UBE2L3: variants seen among roughly 807,000 people sequenced by gnomAD.
The protein encoded by UBE2L3 is ubiquitin-conjugating enzyme E2 L3.
A neutral mutation model predicts 17.8 loss-of-function variants in UBE2L3; 1 was observed. That is an observed-to-expected ratio of 0.06 (90% confidence interval 0.02 to 0.27). The LOEUF is 0.27. Ranked by LOEUF, UBE2L3 falls within the 10% of genes least tolerant of loss-of-function variation. The probability of loss-of-function intolerance (pLI) is 1.00; values close to 1 mark genes in which losing one functional copy is unlikely to be tolerated. For missense variants in UBE2L3, 40 were observed against 192.6 expected (o/e 0.21, Z 4.69); for synonymous variants, 44 against 68.5 (o/e 0.64, Z 1.76).
At chr22:21,590,859 C>G (rs986857327) in intron 1 of UBE2L3, among the ~76,000 whole-genome samples, 2 of 152,202 alleles carry the variant, frequency 1.3e-5, no homozygotes, top group Non-Finnish European at 2.9e-5. Flanking sequence ...AAAGCCCCAG[C>G]TTCCCATCCA....
At chr22:21,619,497 C>T (rs1335564170) in intron 3 of UBE2L3, among the ~76,000 whole-genome samples, 1 of 152,192 alleles carries the variant, frequency 6.6e-6, no homozygotes, top group East Asian at 1.9e-4. Flanking sequence ...GCCTCTGCCC[C>T]ACTGCTTCAC....
chr22:21,575,258 C>CAAAAAA (rs999280735), intron 1 of UBE2L3, among the ~76,000 whole-genome samples: 2 of 52,624 alleles, frequency 3.8e-5, no homozygotes, highest in Non-Finnish European at 9.5e-5. Flanking sequence ...GACTCCATCT[C>CAAAAAA]AAAAAAAAAA....
At chr22:21,581,158 A>G (rs141609598) in intron 1 of UBE2L3, among the ~76,000 whole-genome samples, 1 of 151,188 alleles carries the variant, frequency 6.6e-6, no homozygotes, top group Non-Finnish European at 1.5e-5. Context: ...AGGTTCAAAC[A>G]ATTCTCCCAC....
chr22:21,616,389 G>A (rs567162446), intron 3 of UBE2L3, among the ~76,000 whole-genome samples: 22 of 152,188 alleles, frequency 1.4e-4, no homozygotes, highest in Non-Finnish European at 1.6e-4. Context: ...GGTGGGTCAC[G>A]CCTGTAATCC....
At chr22:21,567,845 G>A in intron 1 of UBE2L3, 74 bp downstream of exon 1, 2 of 1,551,422 alleles carry the variant, frequency 1.3e-6, no homozygotes, top group Non-Finnish European at 1.7e-6. Context: ...GCAGGCGGCG[G>A]CTTCTCAGGG....
intron 1 of UBE2L3, chr22:21,568,019 C>T: frequency 2.3e-6 from 3 of 1,316,930 alleles, no homozygotes; most frequent in African/African-American, 1.6e-5. Context: ...GCGTTCACGC[C>T]ACTCTCCGCC....
intron 1 of UBE2L3, among the ~76,000 whole-genome samples, chr22:21,573,944 T>A (rs1927121450): frequency 6.6e-6 from 1 of 152,066 alleles, no homozygotes; most frequent in Non-Finnish European, 1.5e-5. Flanking sequence ...GTGAGCTACC[T>A]CTCTATAGAG....
At chr22:21,564,232 C>A (rs1467452265), upstream of UBE2L3, among the ~76,000 whole-genome samples, 2 of 151,946 alleles carry the variant, frequency 1.3e-5, no homozygotes, top group Non-Finnish European at 2.9e-5. Context: ...CGGGGTCTCC[C>A]TATGTTGCCC....
chr22:21,616,724 C>CA (rs1310006562), intron 3 of UBE2L3, among the ~76,000 whole-genome samples: 62 of 148,674 alleles, frequency 4.2e-4, no homozygotes, highest in Middle Eastern at 7.1e-3. Context: ...ACTTGGGGGG[C>CA]AAAAAAACAA....
intron 3 of UBE2L3, among the ~76,000 whole-genome samples, chr22:21,612,843 A>G (rs547726254): frequency 6.7e-6 from 1 of 148,466 alleles, no homozygotes; most frequent in African/African-American, 2.5e-5. Context: ...CACCACGTTG[A>G]CCAGGCTGGT....
chr22:21,596,089 C>T (rs1400328316), intron 2 of UBE2L3, among the ~76,000 whole-genome samples: 1 of 152,134 alleles, frequency 6.6e-6, no homozygotes, highest in Non-Finnish European at 1.5e-5. Context: ...TGGTCTCAGT[C>T]TCTTGACCTT....
At chr22:21,586,362 T>A (rs945103875) in intron 1 of UBE2L3, among the ~76,000 whole-genome samples, 22 of 152,036 alleles carry the variant, frequency 1.4e-4, no homozygotes, top group African/African-American at 5.3e-4. Context: ...ACTTCCCAGG[T>A]TCAAGCGATT....
rs1930072214 is a variant in UBE2L3 at position 21,622,292 on chromosome 22, A to C, written c.*623A>C. 6.5e-6 allele frequency: 1 copy of C among 153,110 alleles called. No homozygotes were observed. Among genetic ancestry groups the C allele is most frequent in the African/African-American group, 2.4e-5 (1 of 41,452 alleles). The allele number at this position is 153,110 out of a possible 1,614,324, so 9.5% of individuals were successfully genotyped here. A position where few individuals can be genotyped will look rare whatever the true frequency, so the allele number is the denominator to read the frequency against. ...CTCCTCAGTTCTTGTGTGAAACTCCAGCTGATGTTACCACAGTAACATCAG... is the reference window on the plus strand; with the variant it reads ...CTCCTCAGTTCTTGTGTGAAACTCCCGCTGATGTTACCACAGTAACATCAG... On this transcript the variant is annotated 3_prime_UTR_variant, in exon 4 of 4. Transcript: ENST00000342192.
upstream of UBE2L3, among the ~76,000 whole-genome samples, chr22:21,564,037 C>CTTTTTTT (rs131661): frequency 2.2e-5 from 3 of 138,116 alleles, no homozygotes; most frequent in African/African-American, 7.9e-5. Context: ...TTCTTTCTTT[C>CTTTTTTT]TTTTTTTTTT....
chr22:21,603,142 A>AT (rs1267578285), intron 2 of UBE2L3, among the ~76,000 whole-genome samples: 6 of 152,204 alleles, frequency 3.9e-5, no homozygotes, highest in Non-Finnish European at 7.4e-5. Flanking sequence ...ACATGCATGC[A>AT]TTATAATGAC....
chr22:21,612,317 TTTTTCTTTTCTTTTC>T (rs375210496), intron 3 of UBE2L3, among the ~76,000 whole-genome samples: 2 of 152,008 alleles, frequency 1.3e-5, no homozygotes, highest in African/African-American at 4.8e-5. Context: ...AGTGCCTGGT[TTTTTCTTTTCTTTTC>T]TTTTCTTTTT....
intron 1 of UBE2L3, among the ~76,000 whole-genome samples, chr22:21,581,260 T>C (rs1435936462): frequency 2.6e-5 from 4 of 151,778 alleles, no homozygotes; most frequent in Admixed American, 2.6e-4. Context: ...TTTTGCCATG[T>C]TTTCCAGGCT....
intron 3 of UBE2L3, among the ~76,000 whole-genome samples, chr22:21,613,255 A>G (rs1929600041): frequency 6.6e-6 from 1 of 152,198 alleles, no homozygotes; most frequent in Non-Finnish European, 1.5e-5. Context: ...TGGCAGGGTT[A>G]TTCACTTTTT....
upstream of UBE2L3, among the ~76,000 whole-genome samples, chr22:21,566,805 C>T (rs1203908576): frequency 1.3e-5 from 2 of 152,008 alleles, no homozygotes; most frequent in Non-Finnish European, 2.9e-5. Context: ...AAACATTCTC[C>T]TCCAGTCCTC....
Sources: allele counts gnomAD v4.1 joint callset (sites outside exome capture counted in the v4.1 genomes callset), GRCh38; gene constraint gnomAD v4.1.1; transcripts MANE v1.5; gene names NCBI Gene and HGNC (gene_info 2026-07-23, HGNC 2026-07-21).